ZNF700: variants seen among roughly 807,000 people sequenced by gnomAD.
ZNF700 encodes zinc finger protein 700.
In ZNF700, 38 loss-of-function variants were observed where a neutral mutation model predicts 65.3. The ratio of observed to expected loss-of-function variants is 0.58; its 90% confidence interval spans 0.45 to 0.76. The LOEUF (loss-of-function observed/expected upper bound fraction) is 0.76. Among genes scored for constraint, ZNF700 ranks in the 30% least tolerant of loss-of-function variants. ZNF700 has a pLI of 0.00. For missense variants in ZNF700, 857 were observed against 888.4 expected (o/e 0.96, Z 0.45); for synonymous variants, 285 against 290.4 (o/e 0.98, Z 0.19).
chr19:11,929,938 A>G (rs1429809799), intron 1 of ZNF700, among the ~76,000 whole-genome samples: 1 of 148,240 alleles, frequency 6.7e-6, no homozygotes, highest in African/African-American at 2.6e-5. Context: ...TCCTTTATGG[A>G]AACTTTGCAG....
chr19:11,925,374 G>A (rs916920820), intron 1 of ZNF700, 101 bp downstream of exon 1: 4 of 1,549,494 alleles, frequency 2.6e-6, no homozygotes, highest in Non-Finnish European at 3.5e-6. Context: ...GGGCGACTCC[G>A]GGGTCTGGGA....
At position 11,948,809 on chromosome 19, in the gene ZNF700, C is replaced by T. The variant is rs564139573; in HGVS notation, c.785C>T (p.Ser262Phe). The T allele has an allele frequency of 6.2e-6, 10 of 1,609,146 alleles. No homozygotes were observed. In the Admixed American group the frequency reaches 1.0e-4, roughly 17 times the overall value. ...CAATGTGGTAAATCCTTTACTTATT[C>T]TGCTACCCTTCAAATACATGAAAGA... The part of the protein sequence containing the change: ...CKQCGKSFTY[S>F]ATLQIHERTH... The change falls in exon 4 of 4, where the codon TCT becomes TTT. Residue 262 changes from serine to phenylalanine, a missense_variant. This residue lies in a region of ZNF700 where 603 missense variants were observed against 619.9 expected (regional missense o/e 0.97). Transcript: ENST00000254321.
chr19:11,944,451 G>GT (rs1972930039), intron 1 of ZNF700, among the ~76,000 whole-genome samples: 1 of 152,156 alleles, frequency 6.6e-6, no homozygotes, highest in African/African-American at 2.4e-5. Context: ...GCAGCATGCA[G>GT]TATCCATGTG....
chr19:11,931,027 C>G (rs1037125104), intron 1 of ZNF700, among the ~76,000 whole-genome samples: 1 of 147,570 alleles, frequency 6.8e-6, no homozygotes, highest in African/African-American at 2.7e-5. Flanking sequence ...CATAGATGCC[C>G]TCGTTTCACA....
At chr19:11,927,150 C>T (rs566596502) in intron 1 of ZNF700, among the ~76,000 whole-genome samples, 22 of 152,138 alleles carry the variant, frequency 1.4e-4, no homozygotes, top group Non-Finnish European at 1.9e-4. Context: ...GTCAGGAGTT[C>T]GAGACCAGCC....
chr19:11,947,079 G>A (rs565478825), intron 1 of ZNF700, 102 bp from the exon 2 acceptor site: 216 of 1,508,292 alleles, frequency 1.4e-4, no homozygotes, highest in South Asian at 1.6e-4. Context: ...GGGAATAAAT[G>A]TTTGGAGTCC....
chr19:11,938,289 G>C (rs907319593), intron 1 of ZNF700, among the ~76,000 whole-genome samples: 1 of 151,970 alleles, frequency 6.6e-6, no homozygotes, highest in Non-Finnish European at 1.5e-5. Context: ...CAATGTGCAG[G>C]TTTGTTACAC....
chr19:11,934,280 A>G (rs1245182905), intron 1 of ZNF700, among the ~76,000 whole-genome samples: 1 of 148,008 alleles, frequency 6.8e-6, no homozygotes, highest in East Asian at 1.9e-4. Flanking sequence ...TGTGGACATC[A>G]GTTTTCAGTT....
At chr19:11,925,583 A>T (rs140918864) in intron 1 of ZNF700, among the ~76,000 whole-genome samples, 4 of 152,194 alleles carry the variant, frequency 2.6e-5, no homozygotes, top group African/African-American at 9.6e-5. Context: ...CGGGAGGGTC[A>T]TGGAGGCATC....
chr19:11,947,287 T>C lies in ZNF700; in HGVS notation c.170T>C (p.Phe57Ser). ...NLFREVMLET[F>S]RNLTSIGKKW... ...TTCAGGGAAGTGATGCTGGAAACTT[T>C]CAGGAACCTGACCTCTATAGGTAAG... The change falls in exon 2 of 4, where the codon TTC (phenylalanine) becomes TCC (serine). Residue 57 changes from phenylalanine (F) to serine (S), a missense_variant. By Grantham distance (155) the Phe-to-Ser change is radical (BLOSUM62 -2). Coordinates refer to ENST00000254321, the MANE Select transcript of ZNF700 (RefSeq NM_144566.3). The C allele has an allele frequency of 2.5e-6, 4 of 1,614,056 alleles. No homozygotes were observed. The highest frequency in any genetic ancestry group is 3.4e-6 in the Non-Finnish European group (4 of 1,179,994).
In ZNF700 at chr19:11,949,011, T is replaced by TG. The variant is rs1973011527; in HGVS notation, c.990dup (p.Lys331GlufsTer5). ...TTCGTAGACATGAAAGGACCCACTC[T>TG]GGGAAAAAACCGTATGAATGTAAGC... On this transcript the variant is annotated frameshift_variant, in exon 4 of 4. Coordinates refer to ENST00000254321, the MANE Select transcript of ZNF700 (RefSeq NM_144566.3). LOFTEE classifies it high-confidence loss of function. 1 of 1,605,614 alleles carries TG rather than the reference T, an allele frequency of 6.2e-7. No individual in the cohort carries two copies. The highest frequency in any genetic ancestry group is 1.3e-5 in the African/African-American group (1 of 74,194).
chr19:11,928,059 G>A (rs985113245), intron 1 of ZNF700, among the ~76,000 whole-genome samples: 4 of 151,894 alleles, frequency 2.6e-5, no homozygotes, highest in South Asian at 2.1e-4. Context: ...GCAGTGGTGC[G>A]ATGATGGCTT....
intron 1 of ZNF700, among the ~76,000 whole-genome samples, chr19:11,938,758 A>G (rs1972835914): frequency 1.3e-5 from 2 of 152,170 alleles, no homozygotes; most frequent in South Asian, 2.1e-4. Flanking sequence ...GGATGGCTGG[A>G]TCAAATGGTA....
chr19:11,939,776 TATC>T (rs931221641), intron 1 of ZNF700, among the ~76,000 whole-genome samples: 1 of 151,654 alleles, frequency 6.6e-6, no homozygotes, highest in African/African-American at 2.4e-5. Context: ...CATGATTTAT[TATC>T]ATTACTTATT....
intron 1 of ZNF700, among the ~76,000 whole-genome samples, chr19:11,928,854 T>C (rs1468214496): frequency 6.8e-6 from 1 of 147,028 alleles, no homozygotes; most frequent in Non-Finnish European, 1.5e-5. Context: ...CCAAGGCAGG[T>C]GGATGGCTTG....
intron 1 of ZNF700, among the ~76,000 whole-genome samples, chr19:11,928,888 T>C (rs1156712154): frequency 6.8e-6 from 1 of 147,818 alleles, no homozygotes; most frequent in African/African-American, 2.7e-5. Flanking sequence ...AAGACCAGCC[T>C]GGGCAACATA....
rs1972960358 is a variant in ZNF700, at chr19:11,946,454, G to A, written c.64-727G>A. On this transcript the variant is annotated intron_variant, in intron 1 of 3. Coordinates refer to ENST00000254321, the MANE Select transcript of ZNF700 (RefSeq NM_144566.3). ...GCTGACTTCCCTTGGCGGGTGGGGA[G>A]AGATCCCTCATTGGCTATCTGTCCC... 2.0e-5 allele frequency among the ~76,000 whole-genome samples: 3 copies of A among 152,132 alleles called. No individual in the cohort carries two copies. In the South Asian group the frequency reaches 6.2e-4, roughly 32 times the overall value.
chr19:11,932,477 C>G (rs1252351009), intron 1 of ZNF700, among the ~76,000 whole-genome samples: 1 of 148,328 alleles, frequency 6.7e-6, no homozygotes, highest in Non-Finnish European at 1.5e-5. Context: ...TACATATGCA[C>G]AAAATACATA....
At chr19:11,926,778 T>C (rs1196239496) in intron 1 of ZNF700, 1 of 154,208 alleles carries the variant, frequency 6.5e-6, no homozygotes, top group Non-Finnish European at 1.5e-5. Context: ...GCTTGATTGG[T>C]TGCAGAGATG....
Sources: gnomAD v4.1 joint callset for allele counts (sites outside exome capture counted in the v4.1 genomes callset) on GRCh38, gnomAD v4.1.1 for gene constraint, gnomAD v4.1.1 regional missense constraint, MANE v1.5 for transcripts, NCBI Gene and HGNC (gene_info 2026-07-23, HGNC 2026-07-21) for gene names.